Variants in TNNT1 observed in about 807,000 individuals in gnomAD.
TNNT1 encodes troponin T1, slow skeletal type.
TNNT1 carries 53 observed loss-of-function variants against 50.6 expected under a neutral mutation model. The ratio of observed to expected loss-of-function variants is 1.05; its 90% confidence interval spans 0.84 to 1.32. The LOEUF (loss-of-function observed/expected upper bound fraction) is 1.32. TNNT1 is among the 40% of genes most tolerant of loss of function. TNNT1 has a pLI of 0.00. For synonymous variants in TNNT1, 142 were observed against 138.0 expected (o/e 1.03, Z -0.20); for missense variants, 348 against 381.7 (o/e 0.91, Z 0.74).
intron 11 of TNNT1, among the ~76,000 whole-genome samples, chr19:55,136,794 C>G (rs1599875361): frequency 6.6e-6 from 1 of 152,174 alleles, no homozygotes; most frequent in Non-Finnish European, 1.5e-5. Context: ...CACAGCCCAT[C>G]CTGAGCTCCA....
intron 9 of TNNT1, chr19:55,140,533 C>T (rs2085430717): frequency 6.3e-6 from 1 of 158,654 alleles, no homozygotes; most frequent in African/African-American, 2.4e-5. Context: ...AATCCCAGCA[C>T]TTTGGAAGGC....
At position 55,137,212 on chromosome 19, in the gene TNNT1, C is replaced by A; in HGVS notation, c.502G>T (p.Ala168Ser). Residue 168 changes from alanine to serine, a missense_variant and splice_region_variant, in exon 11 of 14, where the codon GCA becomes TCA. Around this residue, in one of 3 missense-constraint regions of TNNT1, gnomAD observed 253 missense variants for 291.8 expected, o/e 0.87. Transcript: ENST00000588981. ...GAHFGGYLVKAEQKRGKRQTG... is the reference protein window; with the variant it reads ...GAHFGGYLVKSEQKRGKRQTG... ...TGCCGCTTACCACGCTTCTGTTCTG[C>A]CTGAGGGTGGGGGAGGCGGAACAGT... The A allele has an allele frequency of 6.2e-7, 1 of 1,611,996 alleles. No homozygotes were observed. The highest frequency in any genetic ancestry group is 8.5e-7 in the Non-Finnish European group (1 of 1,178,374).
chr19:55,141,936 C>T lies in TNNT1; in HGVS notation c.129-16G>A. ...CACGGGGCGGCTGAGTGGACAGAAA[C>T]ACAGAGACCATGAGTGGCCCGACCT... On this transcript the variant is annotated splice_polypyrimidine_tract_variant and intron_variant, in intron 6 of 13. Coordinates refer to ENST00000588981, the MANE Select transcript of TNNT1 (RefSeq NM_003283.6). 1 of 1,613,810 alleles carries T rather than the reference C, an allele frequency of 6.2e-7. No individual in the cohort carries two copies. Among genetic ancestry groups the T allele is most frequent in the African/African-American group, 1.3e-5 (1 of 74,984 alleles).
intron 9 of TNNT1, 45 bp from the exon 10 acceptor site, chr19:55,138,119 T>TGAGG (rs755485362): frequency 3.1e-6 from 5 of 1,613,510 alleles, no homozygotes. Flanking sequence ...CCTGTAGGAC[T>TGAGG]GAGGGAGGAG....
At position 55,132,829 on chromosome 19, in the gene TNNT1, G is replaced by A; in HGVS notation, c.*86C>T. On this transcript the variant is annotated 3_prime_UTR_variant, in exon 14 of 14. Coordinates refer to ENST00000588981, the MANE Select transcript of TNNT1 (RefSeq NM_003283.6). ...CATAATAACATCAGAGAACCCAGCG[G>A]GTGTCTGAGGGGAGCGTTTATTTCA... The A allele has an allele frequency of 7.8e-7, 1 of 1,288,530 alleles. No individual in the cohort carries two copies. Among genetic ancestry groups the A allele is most frequent in the Non-Finnish European group, 1.1e-6 (1 of 907,176 alleles). The allele number at this position is 1,288,530 out of a possible 1,614,324, so 79.8% of individuals were successfully genotyped here.
intron 9 of TNNT1, among the ~76,000 whole-genome samples, chr19:55,139,805 A>T (rs1007943607): frequency 1.0e-4 from 9 of 87,012 alleles, no homozygotes; most frequent in South Asian, 6.0e-4. Flanking sequence ...TATCTCAAAT[A>T]AAAAAAAATA....
chr19:55,146,440 C>T lies in TNNT1; in HGVS notation c.100G>A (p.Glu34Lys). The part of the protein sequence containing the change: ...EAPEEPEPVA[E>K]PEEERPKPSR... ...GCGAAGCAGCCGCGGTTACCTGGCT[C>T]TGCCACCGGCTCCGGCTCTTCGGGG... Residue 34 changes from glutamate to lysine, a missense_variant, in exon 5 of 14, where the codon GAG becomes AAG. This residue lies in a region of TNNT1 where 90 missense variants were observed against 70.8 expected (regional missense o/e 1.27). Transcript: ENST00000588981. 1 of 1,356,728 alleles carries T rather than the reference C, an allele frequency of 7.4e-7. No homozygotes were observed. The highest frequency in any genetic ancestry group is 9.6e-7 in the Non-Finnish European group (1 of 1,046,482). 84.0% of individuals were successfully genotyped at this position (1,356,728 alleles called of 1,614,324 possible).
chr19:55,147,259 C>A (rs923886412), intron 1 of TNNT1, 91 bp from the exon 2 acceptor site: 1 of 1,248,594 alleles, frequency 8.0e-7, no homozygotes, highest in Admixed American at 2.0e-5. Context: ...GGGCTGGGGG[C>A]CTGGACTCCT....
intron 11 of TNNT1, chr19:55,135,454 G>C (rs898137667): frequency 1.0e-5 from 3 of 297,334 alleles, no homozygotes; most frequent in South Asian, 7.3e-5. Flanking sequence ...ACCCAGGCTG[G>C]AGTGCAGTGA....
intron 9 of TNNT1, among the ~76,000 whole-genome samples, chr19:55,140,499 C>T (rs146583278): frequency 7.6e-4 from 115 of 151,124 alleles, no homozygotes; most frequent in African/African-American, 2.7e-3. Flanking sequence ...TAATAATAGG[C>T]CGGATGCGGT....
At chr19:55,134,373 G>T (rs995065706) in intron 11 of TNNT1, among the ~76,000 whole-genome samples, 169 bp from the exon 12 acceptor site, 2 of 152,018 alleles carry the variant, frequency 1.3e-5, no homozygotes, top group Non-Finnish European at 2.9e-5. Context: ...TGGAGCTCTC[G>T]CATTTCCCAA....
chr19:55,137,716 CG>C (rs1178193784), intron 10 of TNNT1, among the ~76,000 whole-genome samples: 1 of 111,090 alleles, frequency 9.0e-6, no homozygotes, highest in Admixed American at 8.5e-5. Context: ...CAGACCCAGG[CG>C]TCCAGGCCCT....
In TNNT1 at chr19:55,141,914, G is replaced by A. The variant is rs747556919; in HGVS notation, c.135C>T (p.Pro45=). The part of the protein sequence containing the change: ...PEEERPKPSR[P]VVPPLIPPKI... Reference sequence around the variant, plus strand: ...TTGGCGGGATCAAAGGAGGCACCACGGGGCGGCTGAGTGGACAGAAACACA... The same window carrying A: ...TTGGCGGGATCAAAGGAGGCACCACAGGGCGGCTGAGTGGACAGAAACACA... Residue 45 remains proline, a synonymous_variant, in exon 7 of 14, where the codon CCC becomes CCT. Coordinates refer to ENST00000588981, the MANE Select transcript of TNNT1 (RefSeq NM_003283.6). 1 of 1,613,844 alleles carries A rather than the reference G, an allele frequency of 6.2e-7. No homozygotes were observed. Among genetic ancestry groups the A allele is most frequent in the African/African-American group, 1.3e-5 (1 of 74,908 alleles).
At chr19:55,146,403 C>T in intron 5 of TNNT1, 31 bp downstream of exon 5, 1 of 1,280,158 alleles carries the variant, frequency 7.8e-7, no homozygotes, top group Non-Finnish European at 1.0e-6. Context: ...CCCCCGACAT[C>T]GGTCTCGGGA....
At chr19:55,133,781 A>T in intron 13 of TNNT1, 106 bp downstream of exon 13, 1 of 1,306,878 alleles carries the variant, frequency 7.7e-7, no homozygotes, top group Non-Finnish European at 1.1e-6. Flanking sequence ...AGAAAGGGGC[A>T]GAAACTCAGG....
chr19:55,133,574 G>A (rs1008584766), intron 13 of TNNT1: 2 of 462,154 alleles, frequency 4.3e-6, no homozygotes, highest in African/African-American at 2.0e-5. Flanking sequence ...GCTACTCAGG[G>A]GGCTGAGGCA....
At chr19:55,145,502 G>A in intron 6 of TNNT1, 42 bp downstream of exon 6, 1 of 1,604,508 alleles carries the variant, frequency 6.2e-7, no homozygotes, top group Non-Finnish European at 8.5e-7. Flanking sequence ...GGAATATTTA[G>A]GAAGATGTAT....
In TNNT1 at chr19:55,137,163, C is replaced by CGCACCT; in HGVS notation, c.545_550dup (p.Val183_Arg184insGlnVal). 6.2e-7 allele frequency: 1 copy of CGCACCT among 1,612,504 alleles called. No individual in the cohort carries two copies. The highest frequency in any genetic ancestry group is 8.5e-7 in the Non-Finnish European group (1 of 1,179,418). On this transcript the variant is annotated inframe_insertion, in exon 11 of 14. Transcript: ENST00000588981. ...AGGCTTCTTACGCTCGGAGAGGATG[C>CGCACCT]GCACCTTCATCTCCCGCCCCGTCTG...
In TNNT1 at chr19:55,137,941, G is replaced by A. The variant is rs750549492; in HGVS notation, c.501+20C>T. On this transcript the variant is annotated intron_variant, in intron 10 of 13. Transcript: ENST00000588981. ...TGCCCCCTCAGAACTCAGACCTCAG[G>A]CTCCTGCAGGCTGACTCACCTTGAC... The A allele has an allele frequency of 1.2e-6, 2 of 1,614,106 alleles. No individual in the cohort carries two copies. The highest frequency in any genetic ancestry group is 2.2e-5 in the South Asian group (2 of 91,086).
Sources: gnomAD v4.1 joint callset for allele counts (sites outside exome capture counted in the v4.1 genomes callset) on GRCh38, gnomAD v4.1.1 for gene constraint, gnomAD v4.1.1 regional missense constraint, MANE v1.5 for transcripts, NCBI Gene and HGNC (gene_info 2026-07-23, HGNC 2026-07-21) for gene names.